UNC5D: variants seen among roughly 807,000 people sequenced by gnomAD.
The protein encoded by UNC5D is netrin receptor UNC5D.
UNC5D carries 39 observed loss-of-function variants against 105.4 expected under a neutral mutation model. That is an observed-to-expected ratio of 0.37 (90% confidence interval 0.29 to 0.48). The LOEUF (loss-of-function observed/expected upper bound fraction) is 0.48, where lower values mean the gene tolerates loss of function less well. UNC5D is among the 20% of genes least tolerant of loss of function. UNC5D has a pLI of 0.98. For missense variants in UNC5D, 991 were observed against 1,202.4 expected, an observed-to-expected ratio of 0.82 and a Z score of 2.60; for synonymous variants, 452 against 450.4, an observed-to-expected ratio of 1.00 and a Z score of -0.04.
chr8:35,737,718 A>C (rs568346703), intron 11 of UNC5D, among the ~76,000 whole-genome samples: 2 of 152,294 alleles, frequency 1.3e-5, no homozygotes, highest in South Asian at 4.1e-4. Context: ...CTGAAGTAAG[A>C]ATATGCTGGT....
chr8:35,376,047 T>C (rs773065303), intron 1 of UNC5D, among the ~76,000 whole-genome samples: 6 of 152,184 alleles, frequency 3.9e-5, no homozygotes, highest in Non-Finnish European at 5.9e-5. Flanking sequence ...TATTATGTGT[T>C]TTTTGATCAC....
intron 14 of UNC5D, among the ~76,000 whole-genome samples, chr8:35,766,584 G>T (rs73673916): frequency 0.034 from 5,207 of 152,196 alleles, 302 homozygotes; most frequent in African/African-American, 0.12. Flanking sequence ...ACTGGGGAAT[G>T]AAAATGATAA....
At chr8:35,313,487 G>A (rs1435279443) in intron 1 of UNC5D, among the ~76,000 whole-genome samples, 1 of 152,108 alleles carries the variant, frequency 6.6e-6, no homozygotes, top group Non-Finnish European at 1.5e-5. Context: ...GCGATTACTT[G>A]CAAAAAGAAC....
intron 1 of UNC5D, among the ~76,000 whole-genome samples, chr8:35,399,103 C>G (rs138662988): frequency 3.5e-5 from 5 of 142,074 alleles, no homozygotes; most frequent in East Asian, 4.1e-4. Context: ...CGAGATGACA[C>G]GACTGTACTC....
At chr8:35,425,121 C>T (rs1222893921) in intron 1 of UNC5D, among the ~76,000 whole-genome samples, 3 of 152,086 alleles carry the variant, frequency 2.0e-5, no homozygotes, top group African/African-American at 4.8e-5. Context: ...ACCAACATGG[C>T]ACATGTATAC....
At chr8:35,533,822 A>G (rs747526623) in intron 1 of UNC5D, among the ~76,000 whole-genome samples, 1 of 152,014 alleles carries the variant, frequency 6.6e-6, no homozygotes, top group Non-Finnish European at 1.5e-5. Flanking sequence ...AAGTGCGTCC[A>G]TCACCCCTTT....
intron 4 of UNC5D, among the ~76,000 whole-genome samples, chr8:35,629,502 A>G (rs1024131386): frequency 1.3e-5 from 2 of 152,078 alleles, no homozygotes; most frequent in Admixed American, 6.6e-5. Flanking sequence ...TAAGGTATTC[A>G]TGGACATAAA....
intron 1 of UNC5D, among the ~76,000 whole-genome samples, chr8:35,243,385 A>G (rs1020467122): frequency 6.6e-6 from 1 of 152,162 alleles, no homozygotes; most frequent in African/African-American, 2.4e-5. Context: ...CAGTTTCACA[A>G]TATTTTAAAA....
At chr8:35,252,062 C>G (rs1039126297) in intron 1 of UNC5D, among the ~76,000 whole-genome samples, 2 of 135,674 alleles carry the variant, frequency 1.5e-5, no homozygotes, top group Non-Finnish European at 3.0e-5. Flanking sequence ...CTCACTGTTG[C>G]CCAGGCTGGA....
chr8:35,558,323 A>G (rs1816703215), intron 2 of UNC5D, among the ~76,000 whole-genome samples: 1 of 151,914 alleles, frequency 6.6e-6, no homozygotes, highest in African/African-American at 2.4e-5. Flanking sequence ...ATGGTAGGGG[A>G]CCTGTGGCAA....
chr8:35,479,833 T>C (rs142977191), intron 1 of UNC5D, among the ~76,000 whole-genome samples: 248 of 152,314 alleles, frequency 1.6e-3, no homozygotes, highest in African/African-American at 5.7e-3. Flanking sequence ...CCATGTTCAC[T>C]ACCTTGGTGA....
At chr8:35,749,262 A>G (rs1830148422) in intron 12 of UNC5D, among the ~76,000 whole-genome samples, 2 of 152,202 alleles carry the variant, frequency 1.3e-5, no homozygotes, top group South Asian at 4.1e-4. Flanking sequence ...AAGGAAAGAG[A>G]ATGAGGATAC....
At chr8:35,707,830 G>A (rs1827686769) in intron 8 of UNC5D, among the ~76,000 whole-genome samples, 1 of 152,146 alleles carries the variant, frequency 6.6e-6, no homozygotes, top group Non-Finnish European at 1.5e-5. Context: ...GTTTTTGCTT[G>A]GGGTTCTCGT....
intron 14 of UNC5D, among the ~76,000 whole-genome samples, chr8:35,764,194 T>C (rs1801664974): frequency 6.6e-6 from 1 of 152,132 alleles, no homozygotes; most frequent in South Asian, 2.1e-4. Context: ...CAGAGAGAGA[T>C]GATGGCAATC....
At chr8:35,362,235 G>T (rs879056496) in intron 1 of UNC5D, among the ~76,000 whole-genome samples, 1 of 152,132 alleles carries the variant, frequency 6.6e-6, no homozygotes, top group Admixed American at 6.6e-5. Flanking sequence ...CCACTCCTCT[G>T]CAGCCCTTGC....
intron 3 of UNC5D, among the ~76,000 whole-genome samples, chr8:35,576,756 G>T (rs990986838): frequency 1.3e-5 from 2 of 152,086 alleles, no homozygotes; most frequent in African/African-American, 4.8e-5. Flanking sequence ...GGGACTACAG[G>T]TGCCTGCCAC....
At chr8:35,305,609 C>CA (rs1377288948) in intron 1 of UNC5D, among the ~76,000 whole-genome samples, 6 of 140,600 alleles carry the variant, frequency 4.3e-5, no homozygotes, top group African/African-American at 1.3e-4. Context: ...TTCTTTCTTT[C>CA]TTTCTTTCTT....
At position 35,757,334 on chromosome 8, in the gene UNC5D, A is replaced by G. The variant is rs999376240; in HGVS notation, c.2164-1986A>G. Among the ~76,000 whole-genome samples the G allele has an allele frequency of 3.9e-5, 6 of 152,046 alleles. No individual in the cohort carries two copies. The East Asian group carries it at 1.2e-3, about 29-fold the overall frequency. ...CTGCCCCACATTTTCATCATCTCCA[A>G]TCACACACTTTCCACCTCAGCCTTC... On this transcript the variant is annotated intron_variant, in intron 13 of 16. Transcript: ENST00000404895.
intron 1 of UNC5D, among the ~76,000 whole-genome samples, chr8:35,274,580 A>T (rs1189175710): frequency 6.6e-6 from 1 of 152,128 alleles, no homozygotes; most frequent in African/African-American, 2.4e-5. Context: ...AGAACCTCCA[A>T]ATCTCATTGC....
Sources: gnomAD v4.1 joint callset for allele counts (sites outside exome capture counted in the v4.1 genomes callset) on GRCh38, gnomAD v4.1.1 for gene constraint, MANE v1.5 for transcripts, NCBI Gene and HGNC (gene_info 2026-07-23, HGNC 2026-07-21) for gene names.